Variants in TMCO4 observed in about 807,000 individuals in gnomAD.
TMCO4 encodes transmembrane and coiled-coil domains 4.
In TMCO4, 58 loss-of-function variants were observed where a neutral mutation model predicts 64.7. The observed-to-expected ratio is 0.90, with a 90% confidence interval of 0.73 to 1.12. The LOEUF is 1.12. Among genes scored for constraint, TMCO4 ranks in the 50% most tolerant of loss-of-function variants. The pLI is 0.00. For missense variants in TMCO4, 780 were observed against 825.9 expected (o/e 0.94, Z 0.68); for synonymous variants, 325 against 346.1 (o/e 0.94, Z 0.68).
chr1:19,769,073 C>T (rs1202405402), intron 6 of TMCO4, among the ~76,000 whole-genome samples: 1 of 152,164 alleles, frequency 6.6e-6, no homozygotes, highest in Non-Finnish European at 1.5e-5. Flanking sequence ...CGCCCTGCTG[C>T]GTGGGCTTCA....
intron 1 of TMCO4, among the ~76,000 whole-genome samples, chr1:19,798,424 G>A (rs143521831): frequency 6.6e-5 from 10 of 152,268 alleles, no homozygotes; most frequent in African/African-American, 2.4e-4. Context: ...CAACCTAATC[G>A]ATGAACTCCT....
At chr1:19,695,571 T>C (rs2095230750) in intron 14 of TMCO4, among the ~76,000 whole-genome samples, 2 of 152,112 alleles carry the variant, frequency 1.3e-5, no homozygotes, top group Non-Finnish European at 2.9e-5. Flanking sequence ...TGTAGAGGGA[T>C]AAGAATGGCT....
rs1185653687 is a variant in TMCO4 at position 19,790,736 on chromosome 1, C to T, written c.-100-3619G>A. Among the ~76,000 whole-genome samples the T allele has an allele frequency of 3.9e-5, 6 of 152,260 alleles. No individual in the cohort carries two copies. In the South Asian group the frequency reaches 6.2e-4, roughly 16 times the overall value. On this transcript the variant is annotated intron_variant, in intron 2 of 15. Transcript: ENST00000294543. ...GAATGTAAATTAGTTCAACCATTGT[C>T]GAAGACGGTGTGGCGATTCCTCAAA...
chr1:19,727,162 G>A (rs2095412387), intron 13 of TMCO4, among the ~76,000 whole-genome samples: 1 of 152,184 alleles, frequency 6.6e-6, no homozygotes, highest in African/African-American at 2.4e-5. Flanking sequence ...CTATGTCCTG[G>A]TGGGTCAGCT....
chr1:19,699,056 C>T (rs2095254679), intron 14 of TMCO4, among the ~76,000 whole-genome samples: 1 of 151,930 alleles, frequency 6.6e-6, no homozygotes, highest in South Asian at 2.1e-4. Flanking sequence ...ATTAGCCGGG[C>T]GTGGTGGCGT....
Position 19,682,418 on chromosome 1 carries a change from A to C in TMCO4, c.*622T>G. 1.8e-6 allele frequency: 1 copy of C among 567,240 alleles called. No homozygotes were observed. Among genetic ancestry groups the C allele is most frequent in the Non-Finnish European group, 3.2e-6 (1 of 316,058 alleles). The allele number at this position is 567,240 out of a possible 1,614,324, so 35.1% of individuals were successfully genotyped here. On this transcript the variant is annotated 3_prime_UTR_variant, in exon 16 of 16. Coordinates refer to ENST00000294543, the MANE Select transcript of TMCO4 (RefSeq NM_181719.7). Reference sequence around the variant, plus strand: ...CAGATGTTGCATGACGGGGGAGCACACTCACATTGTGTCTGTGTGACTCAT... The same window carrying C: ...CAGATGTTGCATGACGGGGGAGCACCCTCACATTGTGTCTGTGTGACTCAT...
At position 19,682,336 on chromosome 1, in the gene TMCO4, T is replaced by A. The variant is rs935831372; in HGVS notation, c.*704A>T. ...ATTCATTCTTGTCCCCAGGCCTAGT[T>A]CACAGCCATACTGAATGCAATTCAG... On this transcript the variant is annotated 3_prime_UTR_variant, in exon 16 of 16. Coordinates refer to ENST00000294543, the MANE Select transcript of TMCO4 (RefSeq NM_181719.7). 1 of 360,112 alleles carries A rather than the reference T, an allele frequency of 2.8e-6. No homozygotes were observed. The highest frequency in any genetic ancestry group is 2.0e-5 in the African/African-American group (1 of 49,796). The allele number at this position is 360,112 out of a possible 1,614,324, so 22.3% of individuals were successfully genotyped here.
chr1:19,784,164 A>G (rs2043617280), intron 3 of TMCO4, among the ~76,000 whole-genome samples: 1 of 152,118 alleles, frequency 6.6e-6, no homozygotes, highest in South Asian at 2.1e-4. Context: ...TCAATAATAA[A>G]CAGCTTTCTG....
intron 6 of TMCO4, among the ~76,000 whole-genome samples, chr1:19,768,146 A>ATTCAGGTC (rs1460051181): frequency 1.3e-5 from 2 of 151,604 alleles, no homozygotes; most frequent in African/African-American, 4.8e-5. Flanking sequence ...GATGTGTGAG[A>ATTCAGGTC]TTCAGGTCTG....
chr1:19,744,213 G>T (rs2041662595), intron 10 of TMCO4, among the ~76,000 whole-genome samples: 1 of 152,116 alleles, frequency 6.6e-6, no homozygotes, highest in African/African-American at 2.4e-5. Context: ...ACTGTTTGTT[G>T]TTTGTTGAGC....
At chr1:19,694,402 C>T (rs772374998) in intron 15 of TMCO4, 32 bp downstream of exon 15, 1 of 1,593,454 alleles carries the variant, frequency 6.3e-7, no homozygotes, top group Non-Finnish European at 8.6e-7. Flanking sequence ...TAAGCAAACG[C>T]AAAGCCCCAG....
intron 4 of TMCO4, among the ~76,000 whole-genome samples, chr1:19,777,286 C>T (rs1436049796): frequency 6.6e-6 from 1 of 151,358 alleles, no homozygotes; most frequent in Non-Finnish European, 1.5e-5. Context: ...GGAGCTGCAG[C>T]AGCTATTTTG....
intron 5 of TMCO4, 43 bp from the exon 6 acceptor site, chr1:19,770,612 C>A (rs116282978): frequency 6.3e-7 from 1 of 1,585,362 alleles, no homozygotes; most frequent in African/African-American, 1.4e-5. Context: ...AGCTGATATA[C>A]GATACAGCGC....
chr1:19,729,384 G>A (rs1022208919), intron 13 of TMCO4, among the ~76,000 whole-genome samples: 4 of 151,490 alleles, frequency 2.6e-5, no homozygotes, highest in African/African-American at 9.7e-5. Context: ...CTGGCCTCAA[G>A]TGATCTGCCC....
At chr1:19,708,481 C>G (rs1308501732) in intron 13 of TMCO4, among the ~76,000 whole-genome samples, 1 of 151,570 alleles carries the variant, frequency 6.6e-6, no homozygotes, top group African/African-American at 2.4e-5. Flanking sequence ...GAGCCTTGAT[C>G]TCAAAAACTG....
chr1:19,719,579 A>C (rs2095372160), intron 13 of TMCO4, among the ~76,000 whole-genome samples: 1 of 152,114 alleles, frequency 6.6e-6, no homozygotes, highest in African/African-American at 2.4e-5. Flanking sequence ...CCCAGGCTAG[A>C]GTACAGTGGT....
chr1:19,729,392 C>T (rs1350554179), intron 13 of TMCO4, among the ~76,000 whole-genome samples: 1 of 150,556 alleles, frequency 6.6e-6, no homozygotes, highest in African/African-American at 2.4e-5. Context: ...AAGTGATCTG[C>T]CCACCTTGGC....
chr1:19,683,417 G>A lies in TMCO4; in HGVS notation c.1528C>T (p.Gln510Ter), dbSNP rs2095119918. The A allele has an allele frequency of 1.2e-6, 2 of 1,613,076 alleles. No individual in the cohort carries two copies. The highest frequency in any genetic ancestry group is 1.7e-6 in the Non-Finnish European group (2 of 1,180,028). The stretch of plus-strand genomic sequence containing the variant: ...ACGGCCTTCAGGATGGCATCCATCT[G>A]CTTGGCATAGTCCAGGTGGCCGCTG... ...VVSGHLDYAK[Q>*]MDAILKAVGI... The change falls in exon 16 of 16, where the codon CAG (glutamine) becomes TAG (stop). Residue 510 changes from glutamine to a stop codon, truncating the protein, a stop_gained. Coordinates refer to ENST00000294543, the MANE Select transcript of TMCO4 (RefSeq NM_181719.7). LOFTEE classifies it low-confidence loss of function (END_TRUNC).
chr1:19,698,979 G>A (rs1432332601), intron 14 of TMCO4, among the ~76,000 whole-genome samples: 3 of 152,136 alleles, frequency 2.0e-5, no homozygotes, highest in East Asian at 3.9e-4. Flanking sequence ...GGTGGATCAC[G>A]AGGTCAGGAG....
Sources: gnomAD v4.1 joint callset for allele counts (sites outside exome capture counted in the v4.1 genomes callset) on GRCh38, gnomAD v4.1.1 for gene constraint, MANE v1.5 for transcripts, NCBI Gene and HGNC (gene_info 2026-07-23, HGNC 2026-07-21) for gene names.